The following SFMBT2 variants were observed in gnomAD, a reference collection of about 807,000 sequenced individuals.
SFMBT2 encodes the protein scm-like with four MBT domains protein 2.
In SFMBT2, 38 loss-of-function variants were observed where a neutral mutation model predicts 110.1. That is an observed-to-expected ratio of 0.35 (90% CI 0.27 to 0.45). The LOEUF is 0.45. Among genes scored for constraint, SFMBT2 ranks in the 20% least tolerant of loss-of-function variants. The probability of loss-of-function intolerance (pLI) is 1.00; values close to 1 mark genes in which losing one functional copy is unlikely to be tolerated. For synonymous variants in SFMBT2, 425 were observed against 425.4 expected, an observed-to-expected ratio of 1.00 and a Z score of 0.01; for missense variants, 1,011 against 1,094.9, an observed-to-expected ratio of 0.92 and a Z score of 1.08.
At chr10:7,398,748 T>C (rs1410817439) in intron 1 of SFMBT2, among the ~76,000 whole-genome samples, 5 of 152,170 alleles carry the variant, frequency 3.3e-5, no homozygotes. Flanking sequence ...AGGAATAAAT[T>C]AGAGCATCCC....
At chr10:7,275,262 C>T (rs1433929984) in intron 7 of SFMBT2, among the ~76,000 whole-genome samples, 3 of 152,042 alleles carry the variant, frequency 2.0e-5, no homozygotes, top group South Asian at 4.1e-4. Flanking sequence ...GTATAGGGTA[C>T]GTCAAAATAA....
At chr10:7,189,811 A>C (rs1446903143) in intron 15 of SFMBT2, among the ~76,000 whole-genome samples, 1 of 152,270 alleles carries the variant, frequency 6.6e-6, no homozygotes. Flanking sequence ...GGAGAGCAAG[A>C]GATACACCTG....
chr10:7,364,252 C>G lies in SFMBT2; in HGVS notation c.436+3397G>C, dbSNP rs1240443493. ...TTTTTGAGTTCTTTAAAAAATATCA[C>G]TGAAGAATTCCTCAAATTAGCATAA... On this transcript the variant is annotated intron_variant, in intron 4 of 20. Coordinates refer to ENST00000397167, the MANE Select transcript of SFMBT2 (RefSeq NM_001387889.1). 2.0e-5 allele frequency among the ~76,000 whole-genome samples: 3 copies of G among 152,168 alleles called. No homozygotes were observed. The East Asian group carries it at 5.8e-4, about 29-fold the overall frequency.
In SFMBT2 at chr10:7,279,605, G is replaced by A. The variant is rs115364435; in HGVS notation, c.773-2616C>T. On this transcript the variant is annotated intron_variant, in intron 6 of 20. Coordinates refer to ENST00000397167, the MANE Select transcript of SFMBT2 (RefSeq NM_001387889.1). The stretch of plus-strand genomic sequence containing the variant: ...CATCGACCATTTTCTTAAAATGATC[G>A]TGTTGCAGGTAACTGAATAAAGTAA... 5.8e-3 allele frequency among the ~76,000 whole-genome samples: 883 copies of A among 152,226 alleles called. 12 individuals carry two copies. The highest frequency in any genetic ancestry group is 0.019 in the African/African-American group (794 of 41,540).
intron 16 of SFMBT2, among the ~76,000 whole-genome samples, chr10:7,176,893 G>A (rs576507515): frequency 2.0e-5 from 3 of 152,212 alleles, no homozygotes; most frequent in African/African-American, 4.8e-5. Flanking sequence ...AGGGGTCTCC[G>A]GTGGATGAGT....
At chr10:7,268,012 T>C (rs1234834807) in intron 7 of SFMBT2, among the ~76,000 whole-genome samples, 1 of 152,238 alleles carries the variant, frequency 6.6e-6, no homozygotes, top group East Asian at 1.9e-4. Context: ...GGTGGACAAA[T>C]GAGTTGTCAG....
intron 4 of SFMBT2, among the ~76,000 whole-genome samples, chr10:7,305,306 A>G (rs770711432): frequency 7.9e-5 from 12 of 152,178 alleles, no homozygotes; most frequent in Non-Finnish European, 1.5e-4. Context: ...AGATTCTATA[A>G]ATGATATTTA....
At chr10:7,253,717 T>C (rs1166839584) in intron 7 of SFMBT2, among the ~76,000 whole-genome samples, 2 of 151,562 alleles carry the variant, frequency 1.3e-5, no homozygotes, top group Non-Finnish European at 2.9e-5. Flanking sequence ...CTTATCCTAC[T>C]GAACTTCAAC....
intron 4 of SFMBT2, among the ~76,000 whole-genome samples, chr10:7,314,536 T>A (rs1319895657): frequency 6.6e-6 from 1 of 152,222 alleles, no homozygotes; most frequent in Admixed American, 6.5e-5. Flanking sequence ...TGGTGTAAGA[T>A]GTTGGGTTAT....
chr10:7,174,219 G>A (rs1188312945), intron 17 of SFMBT2, among the ~76,000 whole-genome samples: 1 of 152,226 alleles, frequency 6.6e-6, no homozygotes, highest in Non-Finnish European at 1.5e-5. Context: ...TACTCAGTGA[G>A]CAGGAATAAA....
chr10:7,224,815 G>A (rs888131021), intron 10 of SFMBT2, among the ~76,000 whole-genome samples: 16 of 152,126 alleles, frequency 1.1e-4, no homozygotes, highest in Admixed American at 5.2e-4. Flanking sequence ...ATATACTTAT[G>A]GATACCAAGA....
chr10:7,390,362 T>A (rs1194349082), intron 1 of SFMBT2, among the ~76,000 whole-genome samples: 1 of 152,172 alleles, frequency 6.6e-6, no homozygotes, highest in East Asian at 1.9e-4. Context: ...AATTTTTAAA[T>A]CTAAGAAACT....
intron 2 of SFMBT2, among the ~76,000 whole-genome samples, chr10:7,378,121 GGTGTGA>G (rs1472591181): frequency 2.7e-5 from 4 of 150,244 alleles, no homozygotes; most frequent in Non-Finnish European, 5.9e-5. Context: ...GTGGATGATG[GGTGTGA>G]GTGTGGGTGT....
At chr10:7,331,052 T>C (rs1843546768) in intron 4 of SFMBT2, among the ~76,000 whole-genome samples, 1 of 152,242 alleles carries the variant, frequency 6.6e-6, no homozygotes, top group Admixed American at 6.5e-5. Flanking sequence ...ATAGGTATTT[T>C]CTTCTTTCTT....
In SFMBT2 at chr10:7,301,858, G is replaced by C. The variant is rs1327008411; in HGVS notation, c.437-15904C>G. The stretch of plus-strand genomic sequence containing the variant: ...TATCGAAGGGGAAAAAAAACCACTG[G>C]TGTAGAATTTTTTAAAAAACCGTTT... On this transcript the variant is annotated intron_variant, in intron 4 of 20. Coordinates refer to ENST00000397167, the MANE Select transcript of SFMBT2 (RefSeq NM_001387889.1). This position sits in a 1 kb window ranked among gnomAD's most constrained non-coding sequence, Gnocchi z 4.2. Among the ~76,000 whole-genome samples, 1 of 152,086 alleles carries C rather than the reference G, an allele frequency of 6.6e-6. No individual in the cohort carries two copies. The highest frequency in any genetic ancestry group is 1.5e-5 in the Non-Finnish European group (1 of 68,002).
In SFMBT2 at chr10:7,170,069, C is replaced by A. The variant is rs2131524043; in HGVS notation, c.2544+859G>T. ...GGTGGATACACTGTTCCCTCCTTCT[C>A]CCACTAGGCCTAAGTAAGATCCATG... On this transcript the variant is annotated intron_variant, in intron 20 of 20. Coordinates refer to ENST00000397167, the MANE Select transcript of SFMBT2 (RefSeq NM_001387889.1). The surrounding 1 kb of genome is among the most constrained non-coding windows in gnomAD (Gnocchi z 4.6). 6.6e-6 allele frequency among the ~76,000 whole-genome samples: 1 copy of A among 152,296 alleles called. No individual in the cohort carries two copies.
intron 9 of SFMBT2, among the ~76,000 whole-genome samples, chr10:7,233,809 G>A (rs1336099006): frequency 6.6e-6 from 1 of 152,210 alleles, no homozygotes; most frequent in African/African-American, 2.4e-5. Flanking sequence ...ACTAAAGCCA[G>A]GGGCTCTGTG....
chr10:7,271,891 G>C (rs991541393), intron 7 of SFMBT2, among the ~76,000 whole-genome samples: 2 of 152,138 alleles, frequency 1.3e-5, no homozygotes, highest in East Asian at 3.8e-4. Flanking sequence ...AACAGCATGG[G>C]AAAGACCCAC....
At chr10:7,402,880 G>A (rs2248737) in intron 1 of SFMBT2, among the ~76,000 whole-genome samples, 28,464 of 152,136 alleles carry the variant, frequency 0.19, 3,235 homozygotes, top group African/African-American at 0.32. Flanking sequence ...TGTTTAGAAG[G>A]AAAAATTCTA....
Sources: allele counts gnomAD v4.1 joint callset (sites outside exome capture counted in the v4.1 genomes callset), GRCh38; gene constraint gnomAD v4.1.1; non-coding constraint Gnocchi (gnomAD v3.1); transcripts MANE v1.5; gene names NCBI Gene and HGNC (gene_info 2026-07-23, HGNC 2026-07-21).